The following RIN2 variants were observed in gnomAD, a reference collection of about 807,000 sequenced individuals.
RIN2 encodes RAB5 interacting protein 2.
Under a neutral mutation model 78.0 loss-of-function variants are expected in RIN2, and 36 were observed. That is an observed-to-expected ratio of 0.46 (90% CI 0.35 to 0.61). The LOEUF is 0.61. Ranked by LOEUF, RIN2 falls within the 20% of genes least tolerant of loss-of-function variation. The pLI is 0.00. For synonymous variants in RIN2, 466 were observed against 466.8 expected (o/e 1.00, Z 0.02); for missense variants, 1,087 against 1,159.7 (o/e 0.94, Z 0.91).
chr20:19,963,117 C>A (rs2041819800), intron 6 of RIN2, among the ~76,000 whole-genome samples: 1 of 152,144 alleles, frequency 6.6e-6, no homozygotes, highest in South Asian at 2.1e-4. Context: ...AAGGAAAGTA[C>A]TGTTAGGGTC....
At position 19,837,169 on chromosome 20, in the gene RIN2, A is replaced by AACACACACAC. The variant is rs142399537; in HGVS notation, c.-37+37456_-37+37465dup. Among the ~76,000 whole-genome samples the AACACACACAC allele has an allele frequency of 3.2e-3, 445 of 140,190 alleles. 5 individuals carry two copies. Among genetic ancestry groups the AACACACACAC allele is most frequent in the African/African-American group, 0.011 (405 of 37,176 alleles). The allele number at this position is 140,190 out of a possible 152,430, so 92.0% of individuals were successfully genotyped here. ...CTGAACATCACACACCGCCCCCCCC[A>AACACACACAC]ACACACACACACACACACACACACA... On this transcript the variant is annotated intron_variant, in intron 2 of 12. Transcript: ENST00000255006.
intron 2 of RIN2, among the ~76,000 whole-genome samples, chr20:19,852,892 TAA>T (rs1568816878): frequency 6.6e-6 from 1 of 152,066 alleles, no homozygotes; most frequent in Non-Finnish European, 1.5e-5. Context: ...CTTTTTTTTT[TAA>T]TTATTATACT....
chr20:19,788,604 A>G lies in RIN2; in HGVS notation c.-162-11018A>G, dbSNP rs1325444091. ...GCAACAAAGCAAGACTTTGTCTCGA[A>G]AAAAAAAAAAAAAATTAAAATTGCC... On this transcript the variant is annotated intron_variant, in intron 1 of 12. Coordinates refer to ENST00000255006, the MANE Select transcript of RIN2 (RefSeq NM_018993.4). Among the ~76,000 whole-genome samples, 25 of 69,728 alleles carry G rather than the reference A, an allele frequency of 3.6e-4. No homozygotes were observed. The African/African-American group carries it at 4.7e-3, about 13-fold the overall frequency. 45.7% of individuals were successfully genotyped at this position (69,728 alleles called of 152,430 possible).
intron 1 of RIN2, among the ~76,000 whole-genome samples, chr20:19,764,973 G>T (rs560314258): frequency 1.7e-5 from 2 of 120,804 alleles, no homozygotes; most frequent in African/African-American, 6.2e-5. Flanking sequence ...TCCCAGGCAG[G>T]AGTGCAGTGG....
intron 8 of RIN2, among the ~76,000 whole-genome samples, chr20:19,971,484 C>T (rs2042105663): frequency 6.6e-6 from 1 of 152,124 alleles, no homozygotes; most frequent in Non-Finnish European, 1.5e-5. Flanking sequence ...TCCCCATTGC[C>T]TTGGGGGAAT....
intron 3 of RIN2, among the ~76,000 whole-genome samples, chr20:19,924,313 T>C (rs1226370125): frequency 5.6e-5 from 2 of 35,886 alleles, no homozygotes; most frequent in African/African-American, 3.7e-4. Flanking sequence ...TCCACCTTCA[T>C]ACCCCCACCT....
intron 2 of RIN2, among the ~76,000 whole-genome samples, chr20:19,849,764 C>T (rs920122079): frequency 6.6e-6 from 1 of 152,056 alleles, no homozygotes; most frequent in African/African-American, 2.4e-5. Context: ...TTAAGTCTGC[C>T]AAGAGCCAGA....
intron 2 of RIN2, among the ~76,000 whole-genome samples, chr20:19,879,075 A>G (rs991229988): frequency 1.3e-5 from 2 of 152,224 alleles, no homozygotes; most frequent in East Asian, 3.8e-4. Flanking sequence ...GTAGTTGCAA[A>G]TAGTGCAAAA....
intron 2 of RIN2, among the ~76,000 whole-genome samples, chr20:19,824,156 C>T (rs539992887): frequency 1.3e-5 from 2 of 152,282 alleles, no homozygotes; most frequent in East Asian, 3.9e-4. Flanking sequence ...CATCTAGGCT[C>T]CCTCCCAATG....
intron 4 of RIN2, among the ~76,000 whole-genome samples, chr20:19,936,872 T>C (rs1033881811): frequency 2.0e-5 from 3 of 152,220 alleles, no homozygotes; most frequent in Non-Finnish European, 2.9e-5. Flanking sequence ...TTTGGCTTTT[T>C]TTTAACAGAA....
intron 1 of RIN2, among the ~76,000 whole-genome samples, chr20:19,789,940 T>C (rs1294216190): frequency 6.6e-6 from 1 of 152,190 alleles, no homozygotes; most frequent in Non-Finnish European, 1.5e-5. Flanking sequence ...TGCTTTTTCT[T>C]TTCTCCAAGT....
At chr20:19,922,733 G>T (rs2039977157) in intron 3 of RIN2, among the ~76,000 whole-genome samples, 1 of 152,196 alleles carries the variant, frequency 6.6e-6, no homozygotes, top group Admixed American at 6.5e-5. Context: ...GGACCATAAG[G>T]TGGGGAGCTT....
chr20:19,926,198 G>A (rs1325439325), intron 3 of RIN2, among the ~76,000 whole-genome samples: 1 of 151,982 alleles, frequency 6.6e-6, no homozygotes, highest in Non-Finnish European at 1.5e-5. Flanking sequence ...GGAGATTATG[G>A]GTGATGGTCA....
intron 3 of RIN2, among the ~76,000 whole-genome samples, chr20:19,924,415 TA>T (rs1397392707): frequency 9.7e-5 from 1 of 10,334 alleles, no homozygotes. Flanking sequence ...CACCTCTTCA[TA>T]ACCCTACTTT....
chr20:19,778,415 G>A lies in RIN2; in HGVS notation c.-163+20088G>A, dbSNP rs151296807. Among the ~76,000 whole-genome samples, 142 of 152,332 alleles carry A rather than the reference G, an allele frequency of 9.3e-4. 1 individual carries two copies. Among genetic ancestry groups the A allele is most frequent in the African/African-American group, 2.5e-3 (103 of 41,574 alleles). ...TGTTAGTTGTGTGTGAGGCACTGTGGTGGGAACTTTATCTACTTTATTTGG... is the reference window on the plus strand; with the variant it reads ...TGTTAGTTGTGTGTGAGGCACTGTGATGGGAACTTTATCTACTTTATTTGG... On this transcript the variant is annotated intron_variant, in intron 1 of 12. Transcript: ENST00000255006.
intron 1 of RIN2, among the ~76,000 whole-genome samples, chr20:19,779,359 C>G (rs1413989248): frequency 6.6e-6 from 1 of 152,120 alleles, no homozygotes; most frequent in African/African-American, 2.4e-5. Flanking sequence ...GCTACCATGC[C>G]CAGGTGCTGA....
Position 19,958,198 on chromosome 20 carries a change from C to A in RIN2, c.351+1391C>A, listed in dbSNP as rs187013152. The stretch of plus-strand genomic sequence containing the variant: ...GTCTGCTAGAACATGCTCAGGGGAA[C>A]AAGGCACGGTGCTTTCTCATCTTTG... On this transcript the variant is annotated intron_variant, in intron 5 of 12. Coordinates refer to ENST00000255006, the MANE Select transcript of RIN2 (RefSeq NM_018993.4). Among the ~76,000 whole-genome samples, 9 of 152,350 alleles carry A rather than the reference C, an allele frequency of 5.9e-5. No individual in the cohort carries two copies. In the East Asian group the frequency reaches 1.7e-3, roughly 29 times the overall value.
intron 11 of RIN2, among the ~76,000 whole-genome samples, chr20:19,995,818 T>G (rs2042943725): frequency 6.6e-6 from 1 of 151,504 alleles, no homozygotes; most frequent in Non-Finnish European, 1.5e-5. Flanking sequence ...TCCTTTTTAC[T>G]TTTTTTTAAA....
At chr20:19,793,115 T>C (rs1476326952) in intron 1 of RIN2, among the ~76,000 whole-genome samples, 1 of 152,182 alleles carries the variant, frequency 6.6e-6, no homozygotes, top group Non-Finnish European at 1.5e-5. Flanking sequence ...AAATATAACA[T>C]GAGTTGCATA....
Sources: allele counts gnomAD v4.1 joint callset (sites outside exome capture counted in the v4.1 genomes callset), GRCh38; gene constraint gnomAD v4.1.1; transcripts MANE v1.5; gene names NCBI Gene and HGNC (gene_info 2026-07-23, HGNC 2026-07-21).